The following FSTL5 variants were observed in gnomAD, a reference collection of about 807,000 sequenced individuals.
The protein encoded by FSTL5 is follistatin like 5.
FSTL5 carries 62 observed loss-of-function variants against 89.1 expected under a neutral mutation model. The ratio of observed to expected loss-of-function variants is 0.70; its 90% CI spans 0.57 to 0.86. The LOEUF is 0.86. Ranked by LOEUF, FSTL5 falls within the 40% of genes least tolerant of loss-of-function variation. The probability of loss-of-function intolerance (pLI) is 0.00; values close to 1 mark genes in which losing one functional copy is unlikely to be tolerated. For synonymous variants in FSTL5, 383 were observed against 346.2 expected, an observed-to-expected ratio of 1.11 and a Z score of -1.18; for missense variants, 1,057 against 1,001.6, an observed-to-expected ratio of 1.06 and a Z score of -0.75.
chr4:161,403,934 T>C (rs1207676752), intron 15 of FSTL5, among the ~76,000 whole-genome samples: 2 of 152,140 alleles, frequency 1.3e-5, no homozygotes, highest in Admixed American at 1.3e-4. Flanking sequence ...TAATTAAGCA[T>C]GTTAAGTGAA....
At chr4:161,786,256 G>C (rs571998310) in intron 4 of FSTL5, among the ~76,000 whole-genome samples, 1 of 151,894 alleles carries the variant, frequency 6.6e-6, no homozygotes, top group Non-Finnish European at 1.5e-5. Context: ...AGGCTCAATC[G>C]TTGTAGTGGG....
chr4:161,643,292 T>A (rs1172467019), intron 7 of FSTL5, among the ~76,000 whole-genome samples: 1 of 152,072 alleles, frequency 6.6e-6, no homozygotes, highest in Non-Finnish European at 1.5e-5. Flanking sequence ...CTCTCTCAAG[T>A]CTGTGGCTCC....
At chr4:161,511,008 C>T (rs941988883) in intron 10 of FSTL5, among the ~76,000 whole-genome samples, 1 of 151,906 alleles carries the variant, frequency 6.6e-6, no homozygotes, top group African/African-American at 2.4e-5. Flanking sequence ...CTGAATTGTT[C>T]TTGAACCACA....
chr4:161,678,905 C>T (rs943162900), intron 6 of FSTL5, among the ~76,000 whole-genome samples: 3 of 151,554 alleles, frequency 2.0e-5, no homozygotes, highest in Non-Finnish European at 4.4e-5. Context: ...TATCTATATA[C>T]GTAGGGTCCA....
chr4:161,876,211 A>G (rs1439084975), intron 4 of FSTL5, among the ~76,000 whole-genome samples: 1 of 152,240 alleles, frequency 6.6e-6, no homozygotes, highest in African/African-American at 2.4e-5. Context: ...TAAATTCTCA[A>G]AAATGCCCCA....
chr4:161,789,461 G>A (rs1406135439), intron 4 of FSTL5, among the ~76,000 whole-genome samples: 1 of 152,142 alleles, frequency 6.6e-6, no homozygotes, highest in African/African-American at 2.4e-5. Flanking sequence ...GTCTATAGAT[G>A]TGCGAACGAA....
intron 7 of FSTL5, among the ~76,000 whole-genome samples, chr4:161,602,786 T>A (rs1734295193): frequency 6.6e-6 from 1 of 152,128 alleles, no homozygotes; most frequent in South Asian, 2.1e-4. Context: ...ATTAAGGAGC[T>A]GTCAGCCCAG....
chr4:162,083,847 GA>G (rs1167869497), intron 2 of FSTL5, among the ~76,000 whole-genome samples: 3 of 151,648 alleles, frequency 2.0e-5, no homozygotes, highest in Admixed American at 6.6e-5. Flanking sequence ...TTCTTTAAGG[GA>G]AAAATTAAAT....
chr4:161,621,827 C>CAAAAAAAAAAAAAAAAAAA (rs58143952), intron 7 of FSTL5, among the ~76,000 whole-genome samples: 2 of 90,378 alleles, frequency 2.2e-5, no homozygotes, highest in African/African-American at 4.2e-5. Flanking sequence ...TCTAAAAATA[C>CAAAAAAAAAAAAAAAAAAA]AAAAAAAAAA....
chr4:161,881,563 G>A (rs188886665), intron 4 of FSTL5, among the ~76,000 whole-genome samples: 54 of 152,018 alleles, frequency 3.6e-4, no homozygotes, highest in Middle Eastern at 3.4e-3. Context: ...CAACTCCAGC[G>A]CGTTTTTTGC....
chr4:161,900,820 CT>C (rs933267099), intron 4 of FSTL5, among the ~76,000 whole-genome samples: 2 of 151,968 alleles, frequency 1.3e-5, no homozygotes, highest in African/African-American at 4.8e-5. Flanking sequence ...TTAGAAAACA[CT>C]TACCAACTCT....
intron 3 of FSTL5, among the ~76,000 whole-genome samples, chr4:162,017,722 A>C (rs1292946033): frequency 6.6e-6 from 1 of 152,282 alleles, no homozygotes; most frequent in Admixed American, 6.5e-5. Flanking sequence ...GAGACAACAA[A>C]ATGGATGGCA....
intron 1 of FSTL5, among the ~76,000 whole-genome samples, chr4:162,140,730 C>A (rs1347329295): frequency 6.6e-6 from 1 of 152,074 alleles, no homozygotes; most frequent in Non-Finnish European, 1.5e-5. Flanking sequence ...AGAAATAGCG[C>A]TGACTTGTTC....
intron 8 of FSTL5, among the ~76,000 whole-genome samples, chr4:161,568,826 C>A (rs1258500081): frequency 2.0e-5 from 3 of 152,090 alleles, no homozygotes; most frequent in Non-Finnish European, 4.4e-5. Flanking sequence ...TAATACAAAG[C>A]ACAAATATAG....
intron 1 of FSTL5, among the ~76,000 whole-genome samples, chr4:162,135,544 C>A (rs1193542950): frequency 2.0e-5 from 3 of 152,050 alleles, no homozygotes; most frequent in African/African-American, 4.8e-5. Flanking sequence ...ATGGCTTATT[C>A]CACCTCTGCT....
At chr4:162,031,703 C>A (rs1409689995) in intron 3 of FSTL5, among the ~76,000 whole-genome samples, 1 of 151,904 alleles carries the variant, frequency 6.6e-6, no homozygotes, top group Non-Finnish European at 1.5e-5. Flanking sequence ...TTTAGGAGGC[C>A]GAGGAGGGAG....
chr4:161,948,403 G>A (rs990941298), intron 3 of FSTL5, among the ~76,000 whole-genome samples: 1 of 148,612 alleles, frequency 6.7e-6, no homozygotes, highest in African/African-American at 2.5e-5. Context: ...GGAGAGAAAT[G>A]TTTTCAGCTC....
chr4:161,938,178 A>G (rs1734483955), intron 3 of FSTL5, among the ~76,000 whole-genome samples: 1 of 152,104 alleles, frequency 6.6e-6, no homozygotes, highest in Non-Finnish European at 1.5e-5. Context: ...TTAGAGAGCT[A>G]CTAGTTTAAA....
intron 6 of FSTL5, chr4:161,664,830 G>T: frequency 5.9e-6 from 1 of 170,114 alleles, no homozygotes; most frequent in Non-Finnish European, 1.2e-5. Context: ...CCACATGTCT[G>T]GGGAGGCCTC....
Sources: gnomAD v4.1 joint callset for allele counts (sites outside exome capture counted in the v4.1 genomes callset) on GRCh38, gnomAD v4.1.1 for gene constraint, MANE v1.5 for transcripts, NCBI Gene and HGNC (gene_info 2026-07-23, HGNC 2026-07-21) for gene names.